NRXN3: variants seen among roughly 807,000 people sequenced by gnomAD.
The protein encoded by NRXN3 is neurexin 3, also known as neurexin III.
NRXN3 carries 32 observed loss-of-function variants against 137.6 expected under a neutral mutation model. The observed-to-expected ratio is 0.23, with a 90% CI of 0.18 to 0.31. The LOEUF is 0.31. Ranked by LOEUF, NRXN3 falls within the 10% of genes least tolerant of loss-of-function variation. The pLI is 1.00. For synonymous variants in NRXN3, 798 were observed against 784.5 expected, an observed-to-expected ratio of 1.02 and a Z score of -0.29; for missense variants, 1,574 against 2,062.5, an observed-to-expected ratio of 0.76 and a Z score of 4.59.
intron 16 of NRXN3, among the ~76,000 whole-genome samples, chr14:79,547,237 C>A (rs1002182781): frequency 3.3e-5 from 5 of 152,108 alleles, no homozygotes; most frequent in Non-Finnish European, 7.4e-5. Flanking sequence ...TTGTATCCTG[C>A]AGTGGAAAAT....
At chr14:79,654,464 C>T (rs1436062248) in intron 16 of NRXN3, among the ~76,000 whole-genome samples, 1 of 152,154 alleles carries the variant, frequency 6.6e-6, no homozygotes. Context: ...TGCAGCTACT[C>T]ATGTCTGCTG....
chr14:78,725,592 A>G (rs1281235520), intron 8 of NRXN3, among the ~76,000 whole-genome samples: 2 of 152,232 alleles, frequency 1.3e-5, no homozygotes, highest in Admixed American at 6.5e-5. Flanking sequence ...CCACAAAGTC[A>G]AGGCTATATT....
chr14:78,341,942 A>C (rs533039346), intron 4 of NRXN3, among the ~76,000 whole-genome samples: 1 of 152,276 alleles, frequency 6.6e-6, no homozygotes, highest in African/African-American at 2.4e-5. Context: ...GTTTGCCTAG[A>C]GTAGGCCAGC....
At chr14:79,755,353 C>A (rs924885554) in intron 19 of NRXN3, among the ~76,000 whole-genome samples, 1 of 151,842 alleles carries the variant, frequency 6.6e-6, no homozygotes, top group Non-Finnish European at 1.5e-5. Context: ...CATTCTCTCT[C>A]CCTCTGCATC....
chr14:79,182,896 CA>C (rs2063095154), intron 15 of NRXN3, among the ~76,000 whole-genome samples: 1 of 151,720 alleles, frequency 6.6e-6, no homozygotes, highest in African/African-American at 2.4e-5. Context: ...ATTTACTCAC[CA>C]TTTAAAAATT....
At chr14:79,139,910 T>C (rs1384956486) in intron 15 of NRXN3, among the ~76,000 whole-genome samples, 2 of 146,950 alleles carry the variant, frequency 1.4e-5, no homozygotes, top group Non-Finnish European at 3.0e-5. Context: ...GGCATATGCA[T>C]ATATATATAT....
At chr14:78,293,637 C>T (rs545123639) in intron 3 of NRXN3, among the ~76,000 whole-genome samples, 1 of 152,272 alleles carries the variant, frequency 6.6e-6, no homozygotes, top group Non-Finnish European at 1.5e-5. Flanking sequence ...CCGTCTCTTT[C>T]CCCCTGATCC....
intron 8 of NRXN3, among the ~76,000 whole-genome samples, chr14:78,751,311 A>G (rs1187296111): frequency 3.3e-5 from 5 of 152,228 alleles, no homozygotes; most frequent in African/African-American, 9.6e-5. Context: ...GAAGCAGAGC[A>G]TATGTTTTAC....
intron 15 of NRXN3, among the ~76,000 whole-genome samples, chr14:79,047,442 T>G (rs2152558415): frequency 6.6e-6 from 1 of 152,224 alleles, no homozygotes; most frequent in African/African-American, 2.4e-5. Flanking sequence ...TAGATTCAAC[T>G]TAATGAAAAC....
intron 4 of NRXN3, among the ~76,000 whole-genome samples, chr14:78,320,430 G>A (rs1478445839): frequency 2.0e-5 from 3 of 152,172 alleles, no homozygotes; most frequent in Non-Finnish European, 4.4e-5. Context: ...CGGGCTTGAG[G>A]TCGTCTGTGT....
chr14:78,808,037 G>A (rs901890878), intron 9 of NRXN3, among the ~76,000 whole-genome samples: 4 of 150,848 alleles, frequency 2.7e-5, no homozygotes, highest in East Asian at 2.0e-4. Flanking sequence ...ATATACACAC[G>A]CACACACACA....
intron 15 of NRXN3, among the ~76,000 whole-genome samples, chr14:79,274,642 A>G (rs1042950345): frequency 2.0e-5 from 3 of 152,132 alleles, no homozygotes; most frequent in Non-Finnish European, 4.4e-5. Context: ...AAATGCTTCT[A>G]TATTAAAATA....
intron 1 of NRXN3, among the ~76,000 whole-genome samples, chr14:78,196,148 C>G (rs894261980): frequency 6.6e-6 from 1 of 152,234 alleles, no homozygotes; most frequent in East Asian, 1.9e-4. Flanking sequence ...AAGTGTGGGT[C>G]TCCCACCTCC....
intron 4 of NRXN3, among the ~76,000 whole-genome samples, chr14:78,623,619 T>C (rs1330016183): frequency 6.6e-6 from 1 of 152,192 alleles, no homozygotes; most frequent in Non-Finnish European, 1.5e-5. Context: ...CAGGCTGGAG[T>C]GCAGTGGCGT....
At chr14:78,876,181 G>A (rs2099113500) in intron 10 of NRXN3, among the ~76,000 whole-genome samples, 1 of 152,142 alleles carries the variant, frequency 6.6e-6, no homozygotes, top group South Asian at 2.1e-4. Context: ...CAAAAGTAAA[G>A]CATCTTTTAA....
intron 8 of NRXN3, among the ~76,000 whole-genome samples, chr14:78,745,921 C>G (rs2098605047): frequency 6.6e-6 from 1 of 152,092 alleles, no homozygotes; most frequent in Non-Finnish European, 1.5e-5. Flanking sequence ...ACTTCCCTCC[C>G]AAAAAAGTAA....
intron 4 of NRXN3, among the ~76,000 whole-genome samples, chr14:78,554,052 G>C (rs375395274): frequency 1.3e-5 from 2 of 152,146 alleles, no homozygotes; most frequent in Non-Finnish European, 2.9e-5. Flanking sequence ...TGGCCCAAAA[G>C]GTAAGTGGGT....
At chr14:78,470,960 A>G (rs1259647777) in intron 4 of NRXN3, among the ~76,000 whole-genome samples, 1 of 152,168 alleles carries the variant, frequency 6.6e-6, no homozygotes, top group East Asian at 1.9e-4. Flanking sequence ...CTCAGGACTT[A>G]GTTCTAAAGC....
At chr14:79,691,527 C>A (rs1461843820) in intron 17 of NRXN3, among the ~76,000 whole-genome samples, 1 of 151,966 alleles carries the variant, frequency 6.6e-6, no homozygotes, top group Non-Finnish European at 1.5e-5. Context: ...TGGAACAAAT[C>A]TGGAAAGATA....
Sources: gnomAD v4.1 joint callset for allele counts (sites outside exome capture counted in the v4.1 genomes callset) on GRCh38, gnomAD v4.1.1 for gene constraint, MANE v1.5 for transcripts, NCBI Gene and HGNC (gene_info 2026-07-23, HGNC 2026-07-21) for gene names.